Variants in GPC6 observed in about 807,000 individuals in gnomAD.
The protein encoded by GPC6 is glypican-6.
Under a neutral mutation model 55.2 loss-of-function variants are expected in GPC6, and 14 were observed. That is an observed-to-expected ratio of 0.25 (90% CI 0.17 to 0.40). The LOEUF (loss-of-function observed/expected upper bound fraction) is 0.40. GPC6 is among the 10% of genes least tolerant of loss of function. The probability of loss-of-function intolerance (pLI) is 1.00; values close to 1 mark genes in which losing one functional copy is unlikely to be tolerated. For synonymous variants in GPC6, 278 were observed against 259.6 expected (o/e 1.07, Z -0.68); for missense variants, 641 against 708.5 (o/e 0.90, Z 1.08).
chr13:94,199,291 A>C (rs1174271700), intron 4 of GPC6, among the ~76,000 whole-genome samples: 4 of 152,192 alleles, frequency 2.6e-5, no homozygotes, highest in African/African-American at 9.7e-5. Context: ...TTTATTAGTT[A>C]ATTTGCTAAA....
At chr13:93,522,761 A>AT (rs1210139987) in intron 1 of GPC6, among the ~76,000 whole-genome samples, 4 of 151,798 alleles carry the variant, frequency 2.6e-5, no homozygotes, top group Non-Finnish European at 5.9e-5. Context: ...ATCCGGAGGC[A>AT]TTTTTTTGGC....
chr13:93,996,466 G>A (rs1881561348), intron 3 of GPC6, among the ~76,000 whole-genome samples: 1 of 152,106 alleles, frequency 6.6e-6, no homozygotes, highest in Non-Finnish European at 1.5e-5. Context: ...GGCAAGTACA[G>A]TGACATTCTA....
At chr13:93,322,431 C>CTTTTTTTTTTTTTTTTTTTTTTTTTTTT (rs71272281) in intron 1 of GPC6, among the ~76,000 whole-genome samples, 1 of 96,790 alleles carries the variant, frequency 1.0e-5, no homozygotes, top group Non-Finnish European at 1.9e-5. Context: ...TTTCTTTCTT[C>CTTTTTTTTTTTTTTTTTTTTTTTTTTTT]TTTTTTTTTT....
chr13:93,390,783 T>C (rs901750484), intron 1 of GPC6, among the ~76,000 whole-genome samples: 3 of 152,084 alleles, frequency 2.0e-5, no homozygotes, highest in African/African-American at 7.2e-5. Context: ...TTTTTTCTTT[T>C]TGTTTAATTA....
At chr13:93,450,786 A>ATCT (rs1878195782) in intron 1 of GPC6, 1 of 731,468 alleles carries the variant, frequency 1.4e-6, no homozygotes, top group African/African-American at 1.9e-5. Context: ...TTTATGAAAG[A>ATCT]TCTTGTAAGC....
chr13:94,324,781 T>C (rs1021941506), intron 6 of GPC6, among the ~76,000 whole-genome samples: 4 of 152,048 alleles, frequency 2.6e-5, no homozygotes, highest in African/African-American at 9.7e-5. Flanking sequence ...TAGTTCCAGA[T>C]TGAAGCAGAA....
At position 93,953,850 on chromosome 13, in the gene GPC6, T is replaced by C. The variant is rs77126175; in HGVS notation, c.712-73879T>C. 4.2e-3 allele frequency among the ~76,000 whole-genome samples: 635 copies of C among 152,348 alleles called. 6 individuals are homozygous for C. The highest frequency in any genetic ancestry group is 0.015 in the African/African-American group (616 of 41,580). On this transcript the variant is annotated intron_variant, in intron 3 of 8. Transcript: ENST00000377047. ...ATCAGTTCCACCTGTATAATATTGT[T>C]TTTCTTCTATTCAAAAATGGACTGA...
intron 3 of GPC6, among the ~76,000 whole-genome samples, chr13:93,847,255 G>A (rs887645547): frequency 4.6e-5 from 7 of 152,078 alleles, no homozygotes; most frequent in Non-Finnish European, 7.4e-5. Flanking sequence ...TGGAGGAGAC[G>A]CATTAATACA....
intron 3 of GPC6, among the ~76,000 whole-genome samples, chr13:93,984,699 T>C (rs765307795): frequency 1.3e-5 from 2 of 152,164 alleles, no homozygotes; most frequent in Non-Finnish European, 2.9e-5. Flanking sequence ...GCTAGTTGGA[T>C]GTAGTAACAT....
chr13:93,350,254 G>T (rs999846672), intron 1 of GPC6, among the ~76,000 whole-genome samples: 2 of 152,068 alleles, frequency 1.3e-5, no homozygotes, highest in South Asian at 4.1e-4. Flanking sequence ...GGCCAATATG[G>T]TGAAACCCCA....
intron 1 of GPC6, among the ~76,000 whole-genome samples, chr13:93,321,875 G>T (rs1247103919): frequency 1.3e-5 from 2 of 152,116 alleles, no homozygotes; most frequent in East Asian, 1.9e-4. Context: ...CTACCTGCTG[G>T]ATGGGCTTTC....
chr13:94,322,951 A>G (rs1876911109), intron 6 of GPC6, among the ~76,000 whole-genome samples: 1 of 152,118 alleles, frequency 6.6e-6, no homozygotes, highest in Admixed American at 6.5e-5. Context: ...GGTCTGGCAC[A>G]CATGTGTATT....
chr13:93,715,656 AAT>A (rs1210439326), intron 2 of GPC6, among the ~76,000 whole-genome samples: 1 of 151,694 alleles, frequency 6.6e-6, no homozygotes, highest in Non-Finnish European at 1.5e-5. Context: ...CAGTTTCAAG[AAT>A]ATGAAATATA....
At chr13:94,057,473 T>C (rs1443063158) in intron 4 of GPC6, among the ~76,000 whole-genome samples, 1 of 152,196 alleles carries the variant, frequency 6.6e-6, no homozygotes, top group Non-Finnish European at 1.5e-5. Flanking sequence ...TGTTTTCCCA[T>C]TTCATTAGTT....
intron 1 of GPC6, among the ~76,000 whole-genome samples, chr13:93,385,387 C>T (rs1347580657): frequency 1.3e-5 from 2 of 152,230 alleles, no homozygotes; most frequent in Admixed American, 1.3e-4. Context: ...ATGGGAAGCC[C>T]TTGATAGGCT....
At chr13:94,349,758 C>T (rs1005766660) in intron 6 of GPC6, among the ~76,000 whole-genome samples, 4 of 152,194 alleles carry the variant, frequency 2.6e-5, no homozygotes, top group African/African-American at 9.7e-5. Flanking sequence ...AGAAAGCTTC[C>T]TCTGCCATAA....
chr13:94,232,273 C>A (rs1225539470), intron 4 of GPC6, among the ~76,000 whole-genome samples: 1 of 152,158 alleles, frequency 6.6e-6, no homozygotes, highest in East Asian at 1.9e-4. Flanking sequence ...AAACTATTTG[C>A]TTTCTTTCAG....
At chr13:93,905,859 T>G (rs9561465) in intron 3 of GPC6, among the ~76,000 whole-genome samples, 4,090 of 152,304 alleles carry the variant, frequency 0.027, 107 homozygotes, top group South Asian at 0.073. Flanking sequence ...AAGCCTGAGA[T>G]AAAGTATGAA....
chr13:93,301,056 G>C (rs1197780477), intron 1 of GPC6, among the ~76,000 whole-genome samples: 13 of 151,990 alleles, frequency 8.6e-5, no homozygotes, highest in Non-Finnish European at 1.3e-4. Context: ...TTCACTTCTT[G>C]TACCCATTTC....
Sources: allele counts gnomAD v4.1 joint callset (sites outside exome capture counted in the v4.1 genomes callset), GRCh38; gene constraint gnomAD v4.1.1; transcripts MANE v1.5; gene names NCBI Gene and HGNC (gene_info 2026-07-23, HGNC 2026-07-21).